Variants in GABBR2 observed in about 807,000 individuals in gnomAD.
The protein encoded by GABBR2 is gamma-aminobutyric acid type B receptor subunit 2.
A neutral mutation model predicts 105.6 loss-of-function variants in GABBR2; 23 were observed. The observed-to-expected ratio is 0.22, with a 90% CI of 0.16 to 0.31. The LOEUF (loss-of-function observed/expected upper bound fraction) is 0.31. GABBR2 is among the 10% of genes least tolerant of loss of function. The probability of loss-of-function intolerance (pLI) is 1.00; values close to 1 mark genes in which losing one functional copy is unlikely to be tolerated. For missense variants in GABBR2, 734 were observed against 1,245.5 expected (o/e 0.59, Z 6.18); for synonymous variants, 478 against 499.7 (o/e 0.96, Z 0.58).
chr9:98,375,224 G>A (rs1353458157), intron 11 of GABBR2: 3 of 152,206 alleles, frequency 2.0e-5, no homozygotes, highest in African/African-American at 7.3e-5. Flanking sequence ...CATGCTGCCG[G>A]GTCTGACACG....
At position 98,558,586 on chromosome 9, in the gene GABBR2, T is replaced by C. The variant is rs980197895; in HGVS notation, c.460-16543A>G. Among the ~76,000 whole-genome samples the C allele has an allele frequency of 2.0e-5, 3 of 152,308 alleles. No individual in the cohort carries two copies. The East Asian group carries it at 5.8e-4, about 29-fold the overall frequency. On this transcript the variant is annotated intron_variant, in intron 2 of 18. Coordinates refer to ENST00000259455, the MANE Select transcript of GABBR2 (RefSeq NM_005458.8). Reference sequence around the variant, plus strand: ...GGCTAAACCCATTCGCTTCTCCACATTGCCTGCTCAGAATCTAAACAGAAT... The same window carrying C: ...GGCTAAACCCATTCGCTTCTCCACACTGCCTGCTCAGAATCTAAACAGAAT...
intron 2 of GABBR2, among the ~76,000 whole-genome samples, chr9:98,560,064 A>G (rs1469350782): frequency 6.6e-6 from 1 of 151,966 alleles, no homozygotes; most frequent in Non-Finnish European, 1.5e-5. Context: ...ACTAATAACA[A>G]TGGTCACATT....
rs1831607786 is a variant in GABBR2, at chr9:98,362,719, A to G, written c.1889T>C (p.Met630Thr). 4 of 1,581,522 alleles carry G rather than the reference A, an allele frequency of 2.5e-6. No individual in the cohort carries two copies. The highest frequency in any genetic ancestry group is 3.4e-6 in the Non-Finnish European group (4 of 1,166,246). Residue 630 changes from methionine (M) to threonine (T), a missense_variant, in exon 13 of 19, where the codon ATG becomes ACG. Physicochemically the swap from Met to Thr is moderately conservative, Grantham distance 81. This residue lies in a region of GABBR2 where 52 missense variants were observed against 81.3 expected (regional missense o/e 0.64). Transcript: ENST00000259455. ...PLRRTVEKYS[M>T]EPDPAGRDIS... ...CTGCCGGCATGGAGGGCTTACCTCC[A>G]TGCTGTACTTCTCCACTGTCCTTCG...
intron 3 of GABBR2, among the ~76,000 whole-genome samples, chr9:98,521,942 A>G (rs1327441120): frequency 1.3e-5 from 2 of 152,250 alleles, no homozygotes; most frequent in Non-Finnish European, 1.5e-5. Context: ...GCTGTAGGAA[A>G]TAAAGGTAAA....
intron 2 of GABBR2, among the ~76,000 whole-genome samples, chr9:98,559,215 C>T (rs1051288056): frequency 3.9e-5 from 6 of 152,176 alleles, no homozygotes; most frequent in African/African-American, 1.4e-4. Context: ...CTGCATCCTC[C>T]ACCTCCTGGG....
intron 1 of GABBR2, among the ~76,000 whole-genome samples, chr9:98,651,139 GTTTTTTTT>G (rs55727456): frequency 7.7e-6 from 1 of 129,572 alleles, no homozygotes; most frequent in African/African-American, 2.8e-5. Flanking sequence ...ACACACACTG[GTTTTTTTT>G]TTTTTTTTTT....
intron 3 of GABBR2, among the ~76,000 whole-genome samples, chr9:98,532,170 C>T (rs1828079692): frequency 6.6e-6 from 1 of 152,188 alleles, no homozygotes; most frequent in African/African-American, 2.4e-5. Context: ...CATATTTAAA[C>T]CATTCTCTGG....
chr9:98,376,928 C>T (rs111852885), intron 11 of GABBR2, among the ~76,000 whole-genome samples: 14 of 152,194 alleles, frequency 9.2e-5, no homozygotes, highest in African/African-American at 2.2e-4. Context: ...AAAGGCACCC[C>T]GTCTGGGCCC....
In GABBR2 at chr9:98,371,379, T is replaced by C. The variant is rs544242645; in HGVS notation, c.1770+85A>G. ...TTAGCTTGGATCCCCAGCAAATAGC[T>C]CAGTGCCTGGAATATAGTATATACT... On this transcript the variant is annotated intron_variant, in intron 12 of 18. Coordinates refer to ENST00000259455, the MANE Select transcript of GABBR2 (RefSeq NM_005458.8). 29 of 752,250 alleles carry C rather than the reference T, an allele frequency of 3.9e-5. No individual in the cohort carries two copies. The South Asian group carries it at 4.2e-4, about 11-fold the overall frequency. The allele number at this position is 752,250 out of a possible 1,614,324, so 46.6% of individuals were successfully genotyped here. A position where few individuals can be genotyped will look rare whatever the true frequency, so the allele number is the denominator to read the frequency against.
chr9:98,414,766 T>C (rs985214924), intron 7 of GABBR2, among the ~76,000 whole-genome samples: 1 of 152,086 alleles, frequency 6.6e-6, no homozygotes, highest in Non-Finnish European at 1.5e-5. Context: ...GGGAGGGACA[T>C]GGTACTCCAG....
chr9:98,685,203 A>G (rs1180493072), intron 1 of GABBR2, among the ~76,000 whole-genome samples: 1 of 152,238 alleles, frequency 6.6e-6, no homozygotes, highest in Non-Finnish European at 1.5e-5. Flanking sequence ...GCCCTAGAAC[A>G]TCAGACTCCC....
chr9:98,351,802 C>A (rs992737148), intron 13 of GABBR2, among the ~76,000 whole-genome samples: 2 of 152,122 alleles, frequency 1.3e-5, no homozygotes, highest in African/African-American at 4.8e-5. Context: ...TTTTGAATTT[C>A]TTTTCTGGCA....
At chr9:98,625,431 G>A (rs1829724955) in intron 1 of GABBR2, among the ~76,000 whole-genome samples, 1 of 152,238 alleles carries the variant, frequency 6.6e-6, no homozygotes, top group East Asian at 1.9e-4. Context: ...CTGCTGCCCT[G>A]AGAGCTGTGT....
chr9:98,623,611 C>T (rs1268695254), intron 1 of GABBR2, among the ~76,000 whole-genome samples: 1 of 152,142 alleles, frequency 6.6e-6, no homozygotes, highest in Non-Finnish European at 1.5e-5. Context: ...TTCTAGAGGC[C>T]ACCTGTAATC....
At position 98,484,002 on chromosome 9, in the gene GABBR2, T is replaced by A. The variant is rs1438029113; in HGVS notation, c.733-3005A>T. Among the ~76,000 whole-genome samples the A allele has an allele frequency of 4.6e-5, 7 of 152,200 alleles. No homozygotes were observed. In the East Asian group the frequency reaches 1.3e-3, roughly 29 times the overall value. On this transcript the variant is annotated intron_variant, in intron 4 of 18. Transcript: ENST00000259455. ...AAGTGAATTAATCCAGTGTGCAGCA[T>A]CACGCACAATGCCTGGCCTACGCTG...
At chr9:98,694,028 G>A (rs1419341154) in intron 1 of GABBR2, among the ~76,000 whole-genome samples, 1 of 149,648 alleles carries the variant, frequency 6.7e-6, no homozygotes, top group African/African-American at 2.5e-5. Context: ...ACACTGCCTG[G>A]CCCAGAACCC....
At chr9:98,426,151 G>T (rs1186201081) in intron 7 of GABBR2, among the ~76,000 whole-genome samples, 1 of 152,162 alleles carries the variant, frequency 6.6e-6, no homozygotes, top group Non-Finnish European at 1.5e-5. Flanking sequence ...CAGCTGCAGG[G>T]GCCTCCTGCC....
chr9:98,629,333 C>CA (rs1829786822), intron 1 of GABBR2, among the ~76,000 whole-genome samples: 1 of 152,102 alleles, frequency 6.6e-6, no homozygotes, highest in African/African-American at 2.4e-5. Context: ...TATGATAAGC[C>CA]AAAAATGTCT....
intron 1 of GABBR2, among the ~76,000 whole-genome samples, chr9:98,675,616 G>A (rs1230863766): frequency 6.6e-6 from 1 of 152,196 alleles, no homozygotes; most frequent in Non-Finnish European, 1.5e-5. Context: ...TATTCTGAAG[G>A]TGGGAGTGGG....
Sources: gnomAD v4.1 joint callset for allele counts (sites outside exome capture counted in the v4.1 genomes callset) on GRCh38, gnomAD v4.1.1 for gene constraint, gnomAD v4.1.1 regional missense constraint, MANE v1.5 for transcripts, NCBI Gene and HGNC (gene_info 2026-07-23, HGNC 2026-07-21) for gene names.